FRAS1: variants seen among roughly 807,000 people sequenced by gnomAD.
The protein encoded by FRAS1 is extracellular matrix organizing protein FRAS1.
Under a neutral mutation model 435.2 loss-of-function variants are expected in FRAS1, and 290 were observed. The observed-to-expected ratio is 0.67, with a 90% CI of 0.61 to 0.73. The LOEUF is 0.73. Ranked by LOEUF, FRAS1 falls within the 30% of genes least tolerant of loss-of-function variation. The probability of loss-of-function intolerance (pLI) is 0.00; values close to 1 mark genes in which losing one functional copy is unlikely to be tolerated. For missense variants in FRAS1, 4,860 were observed against 5,001.5 expected, an observed-to-expected ratio of 0.97 and a Z score of 0.85; for synonymous variants, 1,800 against 1,851.0, an observed-to-expected ratio of 0.97 and a Z score of 0.71.
chr4:78,187,076 A>G (rs1722307073), intron 2 of FRAS1, among the ~76,000 whole-genome samples: 1 of 152,236 alleles, frequency 6.6e-6, no homozygotes, highest in Non-Finnish European at 1.5e-5. Flanking sequence ...AACTCTCTAT[A>G]CAAATGGTAG....
intron 2 of FRAS1, among the ~76,000 whole-genome samples, chr4:78,218,999 T>C (rs1351560260): frequency 6.6e-6 from 1 of 152,240 alleles, no homozygotes; most frequent in African/African-American, 2.4e-5. Flanking sequence ...TGGTGTATTT[T>C]AGGGTTCATT....
intron 5 of FRAS1, among the ~76,000 whole-genome samples, chr4:78,253,790 G>A (rs1354454447): frequency 2.0e-5 from 3 of 152,116 alleles, no homozygotes; most frequent in Non-Finnish European, 4.4e-5. Flanking sequence ...GAGAAGCAAG[G>A]GAATAGGGAA....
chr4:78,337,694 C>T lies in FRAS1; in HGVS notation c.2299C>T (p.Gln767Ter), dbSNP rs758611277. Residue 767 changes from glutamine to a stop codon, truncating the protein, a stop_gained, in exon 20 of 74, where the codon CAG becomes TAG. Coordinates refer to ENST00000512123, the MANE Select transcript of FRAS1 (RefSeq NM_025074.7). LOFTEE classifies it high-confidence loss of function. ...SCTECHPTCR[Q>*]CHGPLESDCI... ...GCCAGAGTGTCACCCAACCTGCAGG[C>T]AGTGTCATGGGCCGTTGGAGTCTGA... The T allele has an allele frequency of 1.2e-6, 2 of 1,613,144 alleles. No homozygotes were observed. Among genetic ancestry groups the T allele is most frequent in the Non-Finnish European group, 1.7e-6 (2 of 1,179,300 alleles).
intron 2 of FRAS1, among the ~76,000 whole-genome samples, chr4:78,069,943 C>G (rs2109856721): frequency 6.6e-6 from 1 of 152,248 alleles, no homozygotes; most frequent in Admixed American, 6.5e-5. Flanking sequence ...TTTCTCACAA[C>G]CAAGTCAGTC....
At chr4:78,256,468 A>G (rs73827916) in intron 6 of FRAS1, among the ~76,000 whole-genome samples, 4,753 of 152,256 alleles carry the variant, frequency 0.031, 252 homozygotes, top group African/African-American at 0.11. Flanking sequence ...TAGGAAGGAT[A>G]ATTAAGCAGT....
rs553899848 is a variant in FRAS1, at chr4:78,527,569, T to C, written c.10925+912T>C. On this transcript the variant is annotated intron_variant, in intron 70 of 73. Coordinates refer to ENST00000512123, the MANE Select transcript of FRAS1 (RefSeq NM_025074.7). ...AAGAGAAGACTATTTGAAATGTGGC[T>C]TTTAAATAAAAGACTGAGAATTGGC... 6.6e-4 allele frequency among the ~76,000 whole-genome samples: 100 copies of C among 152,268 alleles called. 4 individuals are homozygous for C. In the South Asian group the frequency reaches 0.021, roughly 31 times the overall value.
chr4:78,249,043 C>CTGATATATATA lies in FRAS1; in HGVS notation c.310-3348_310-3347insGATATATATAT, dbSNP rs1352031337. Among the ~76,000 whole-genome samples, 53 of 19,868 alleles carry CTGATATATATA rather than the reference C, an allele frequency of 2.7e-3. 4 individuals carry two copies. In the East Asian group the frequency reaches 0.076, roughly 28 times the overall value. The allele number at this position is 19,868 out of a possible 152,430, so 13.0% of individuals were successfully genotyped here. On this transcript the variant is annotated intron_variant, in intron 4 of 73. Coordinates refer to ENST00000512123, the MANE Select transcript of FRAS1 (RefSeq NM_025074.7). Reference sequence around the variant, plus strand: ...TGCTTTCATAAACGTGTATGAAGAACTACTGATATATATATATATGCATAT... The same window carrying CTGATATATATA: ...TGCTTTCATAAACGTGTATGAAGAACTGATATATATATACTGATATATATATATATGCATAT...
At chr4:78,521,762 T>G in intron 68 of FRAS1, 132 bp downstream of exon 68, 9 of 561,874 alleles carry the variant, frequency 1.6e-5, no homozygotes, top group Middle Eastern at 4.9e-4. Flanking sequence ...CATGTGCACA[T>G]ACATCCATCC....
At chr4:78,341,532 ATT>A (rs1730397196) in intron 20 of FRAS1, among the ~76,000 whole-genome samples, 1 of 152,158 alleles carries the variant, frequency 6.6e-6, no homozygotes, top group African/African-American at 2.4e-5. Flanking sequence ...AGGGGTCACG[ATT>A]TCACCAGGTA....
chr4:78,453,295 G>A (rs1265068052), intron 47 of FRAS1, among the ~76,000 whole-genome samples: 1 of 152,138 alleles, frequency 6.6e-6, no homozygotes, highest in African/African-American at 2.4e-5. Flanking sequence ...TTCACATTTG[G>A]CCAGGTAGAA....
chr4:78,477,715 G>C (rs1719892560), intron 54 of FRAS1, 100 bp from the exon 55 acceptor site: 1 of 1,437,268 alleles, frequency 7.0e-7, no homozygotes, highest in African/African-American at 1.4e-5. Context: ...TCAGTGCTCT[G>C]CCCACTGGAC....
chr4:78,211,678 CCT>C (rs964109647), intron 2 of FRAS1, among the ~76,000 whole-genome samples: 2 of 151,368 alleles, frequency 1.3e-5, no homozygotes, highest in African/African-American at 4.8e-5. Context: ...TAAGTAATCC[CCT>C]CTTTTAAAAA....
chr4:78,097,200 C>T (rs1181231986), intron 2 of FRAS1, among the ~76,000 whole-genome samples: 1 of 152,198 alleles, frequency 6.6e-6, no homozygotes, highest in Non-Finnish European at 1.5e-5. Flanking sequence ...AGTTTCTCAT[C>T]TCTATCTGAG....
At chr4:78,058,461 G>A (rs1739584212) in intron 1 of FRAS1, among the ~76,000 whole-genome samples, 1 of 152,076 alleles carries the variant, frequency 6.6e-6, no homozygotes, top group African/African-American at 2.4e-5. Context: ...GCTCTTACCT[G>A]TTTAAAAATA....
intron 59 of FRAS1, among the ~76,000 whole-genome samples, chr4:78,491,456 C>T (rs1044180336): frequency 4.6e-5 from 7 of 152,122 alleles, no homozygotes; most frequent in Non-Finnish European, 1.0e-4. Flanking sequence ...TTATCCACCA[C>T]GATCAAGTTG....
At chr4:78,464,387 C>T in intron 48 of FRAS1, 56 bp from the exon 49 acceptor site, 2 of 1,604,290 alleles carry the variant, frequency 1.2e-6, no homozygotes, top group Non-Finnish European at 1.7e-6. Context: ...CTACCTTGGA[C>T]TTGTTGGGTA....
At position 78,057,684 on chromosome 4, in the gene FRAS1, A is replaced by G. The variant is rs1238541342; in HGVS notation, c.-326A>G. The G allele has an allele frequency of 2.5e-6, 1 of 407,230 alleles. No individual in the cohort carries two copies. The highest frequency in any genetic ancestry group is 4.0e-5 in the East Asian group (1 of 24,776). 25.2% of individuals were successfully genotyped at this position (407,230 alleles called of 1,614,324 possible). On this transcript the variant is annotated 5_prime_UTR_variant, in exon 1 of 74. Transcript: ENST00000512123. This position sits in a 1 kb window ranked among gnomAD's most constrained non-coding sequence, Gnocchi z 4.2. ...TGGAAGATCCCATCGGCCAGTGACC[A>G]GCAACTTTCCGGCGAGATTTTGACG...
chr4:78,257,095 A>C (rs1725831873), intron 6 of FRAS1, among the ~76,000 whole-genome samples: 1 of 152,194 alleles, frequency 6.6e-6, no homozygotes, highest in East Asian at 1.9e-4. Flanking sequence ...GTAAATTCTT[A>C]TAACAGTCCT....
intron 20 of FRAS1, among the ~76,000 whole-genome samples, chr4:78,362,822 C>T (rs1731127367): frequency 1.3e-5 from 2 of 151,984 alleles, no homozygotes; most frequent in South Asian, 4.2e-4. Context: ...GTTGTCTCTT[C>T]CCCAAAGTCA....
Sources: gnomAD v4.1 joint callset for allele counts (sites outside exome capture counted in the v4.1 genomes callset) on GRCh38, gnomAD v4.1.1 for gene constraint, Gnocchi (gnomAD v3.1) non-coding constraint, MANE v1.5 for transcripts, NCBI Gene and HGNC (gene_info 2026-07-23, HGNC 2026-07-21) for gene names.